The following SORCS2 variants were observed in gnomAD, a reference collection of about 807,000 sequenced individuals.
The protein encoded by SORCS2 is sortilin related VPS10 domain containing receptor 2, also known as VPS10 domain-containing receptor SorCS2.
In SORCS2, 100 loss-of-function variants were observed where a neutral mutation model predicts 141.6. The observed-to-expected ratio is 0.71, with a 90% confidence interval of 0.60 to 0.83. SORCS2 has a LOEUF of 0.83. Ranked by LOEUF, SORCS2 falls within the 40% of genes least tolerant of loss-of-function variation. SORCS2 has a pLI of 0.00. For missense variants in SORCS2, 1,646 were observed against 1,560.2 expected, an observed-to-expected ratio of 1.05 and a Z score of -0.93; for synonymous variants, 789 against 676.9, an observed-to-expected ratio of 1.17 and a Z score of -2.57.
At position 7,699,737 on chromosome 4, in the gene SORCS2, C is replaced by G. The variant is rs568739001; in HGVS notation, c.1668+2463C>G. On this transcript the variant is annotated intron_variant, in intron 12 of 26. Coordinates refer to ENST00000507866, the MANE Select transcript of SORCS2 (RefSeq NM_020777.3). Reference sequence around the variant, plus strand: ...TCTCCTCCAGCCTCACAGGACCCAGCGTGGTCTCCGCCACCCGCCTGGCCA... The same window carrying G: ...TCTCCTCCAGCCTCACAGGACCCAGGGTGGTCTCCGCCACCCGCCTGGCCA... 2.6e-5 allele frequency among the ~76,000 whole-genome samples: 4 copies of G among 152,302 alleles called. No homozygotes were observed. The South Asian group carries it at 8.3e-4, about 32-fold the overall frequency.
chr4:7,409,537 G>C (rs1725174586), intron 2 of SORCS2, among the ~76,000 whole-genome samples: 1 of 152,156 alleles, frequency 6.6e-6, no homozygotes, highest in Admixed American at 6.5e-5. Context: ...TCTCCCTTCA[G>C]CACTTGAGTT....
chr4:7,209,317 A>G (rs1019890901), intron 1 of SORCS2, among the ~76,000 whole-genome samples: 1 of 152,060 alleles, frequency 6.6e-6, no homozygotes, highest in African/African-American at 2.4e-5. Context: ...GCTTGTCTTC[A>G]TATCTTTGTA....
chr4:7,555,733 G>A (rs1159507304), intron 3 of SORCS2, among the ~76,000 whole-genome samples: 3 of 152,206 alleles, frequency 2.0e-5, no homozygotes, highest in Non-Finnish European at 4.4e-5. Flanking sequence ...CTCTAGAAGG[G>A]GATCATGGGG....
At chr4:7,483,361 G>T (rs1456753750) in intron 2 of SORCS2, among the ~76,000 whole-genome samples, 1 of 150,604 alleles carries the variant, frequency 6.6e-6, no homozygotes, top group Admixed American at 6.6e-5. Flanking sequence ...AGAAAGCCAC[G>T]TGACGGATGA....
Position 7,591,098 on chromosome 4 carries a change from G to A in SORCS2, c.649-47230G>A, listed in dbSNP as rs77127621. On this transcript the variant is annotated intron_variant, in intron 3 of 26. Transcript: ENST00000507866. ...TGACGCTCATAGCGCCCAGCAGATG[G>A]GATGAAGTGGGCACCGGGCCAGCGC... Among the ~76,000 whole-genome samples, 4 of 152,304 alleles carry A rather than the reference G, an allele frequency of 2.6e-5. No homozygotes were observed. In the East Asian group the frequency reaches 7.7e-4, roughly 29 times the overall value.
At chr4:7,581,754 G>T (rs1288702291) in intron 3 of SORCS2, among the ~76,000 whole-genome samples, 1 of 152,134 alleles carries the variant, frequency 6.6e-6, no homozygotes, top group African/African-American at 2.4e-5. Context: ...ACACAGTGTG[G>T]ACTCTTGCTG....
At chr4:7,672,295 CTT>C (rs1490609905) in intron 8 of SORCS2, among the ~76,000 whole-genome samples, 1 of 152,126 alleles carries the variant, frequency 6.6e-6, no homozygotes, top group Non-Finnish European at 1.5e-5. Flanking sequence ...AGAGAAATGA[CTT>C]ATTACATACA....
intron 14 of SORCS2, 23 bp downstream of exon 14, chr4:7,704,307 G>T (rs761293669): frequency 6.3e-7 from 1 of 1,582,554 alleles, no homozygotes; most frequent in Non-Finnish European, 8.6e-7. Context: ...ACCGGGGAGT[G>T]GGCACTGGTG....
intron 3 of SORCS2, among the ~76,000 whole-genome samples, chr4:7,543,767 TCCGTC>T (rs1560373208): frequency 4.7e-4 from 28 of 59,290 alleles, no homozygotes; most frequent in Admixed American, 1.3e-3. Flanking sequence ...CACCCACCCA[TCCGTC>T]CATCCATCCA....
intron 3 of SORCS2, among the ~76,000 whole-genome samples, chr4:7,553,800 G>A (rs1019109214): frequency 3.3e-5 from 5 of 152,214 alleles, no homozygotes; most frequent in South Asian, 2.1e-4. Context: ...ACTGATATTC[G>A]GGAAGGGGAG....
chr4:7,630,626 C>T (rs531900617), intron 3 of SORCS2, among the ~76,000 whole-genome samples: 2 of 152,182 alleles, frequency 1.3e-5, no homozygotes, highest in Admixed American at 6.5e-5. Flanking sequence ...GAACATCCAG[C>T]GAGCTGTGTG....
chr4:7,344,046 T>A (rs1171221385), intron 1 of SORCS2, among the ~76,000 whole-genome samples: 1 of 152,234 alleles, frequency 6.6e-6, no homozygotes, highest in African/African-American at 2.4e-5. Flanking sequence ...TTCTTTCTCC[T>A]TGGCCTGCAA....
chr4:7,481,675 G>C (rs1378844225), intron 2 of SORCS2, among the ~76,000 whole-genome samples: 1 of 152,086 alleles, frequency 6.6e-6, no homozygotes, highest in Non-Finnish European at 1.5e-5. Context: ...GGAGCCGTAG[G>C]GAAGGGTCTC....
intron 1 of SORCS2, among the ~76,000 whole-genome samples, chr4:7,380,193 C>T (rs1369306865): frequency 8.5e-5 from 13 of 152,206 alleles, no homozygotes; most frequent in Admixed American, 7.2e-4. Context: ...GGGGGCTTAC[C>T]TGGAGCCTCC....
intron 2 of SORCS2, among the ~76,000 whole-genome samples, chr4:7,497,646 G>T (rs1000655885): frequency 6.6e-6 from 1 of 152,254 alleles, no homozygotes; most frequent in Non-Finnish European, 1.5e-5. Context: ...GCCTGGTCCT[G>T]CACAAGGAAC....
chr4:7,441,110 G>A (rs908673721), intron 2 of SORCS2, among the ~76,000 whole-genome samples: 27 of 152,160 alleles, frequency 1.8e-4, no homozygotes, highest in African/African-American at 6.3e-4. Context: ...CCCAAGAGGG[G>A]GACTCGGCAA....
chr4:7,500,847 C>T (rs772053592), intron 2 of SORCS2, among the ~76,000 whole-genome samples: 17 of 152,184 alleles, frequency 1.1e-4, no homozygotes, highest in Admixed American at 1.1e-3. Context: ...CCTCTCACCT[C>T]GATGCTGGGA....
At chr4:7,372,273 G>A (rs1722305123) in intron 1 of SORCS2, among the ~76,000 whole-genome samples, 1 of 152,168 alleles carries the variant, frequency 6.6e-6, no homozygotes, top group Non-Finnish European at 1.5e-5. Flanking sequence ...TAGGTTTATG[G>A]AGGTATAAAT....
chr4:7,381,398 C>G (rs1480847958), intron 1 of SORCS2, among the ~76,000 whole-genome samples: 2 of 152,182 alleles, frequency 1.3e-5, no homozygotes, highest in Non-Finnish European at 2.9e-5. Context: ...GTGTCCAAAG[C>G]CACGCAGTGT....
Sources: allele counts gnomAD v4.1 joint callset (sites outside exome capture counted in the v4.1 genomes callset), GRCh38; gene constraint gnomAD v4.1.1; transcripts MANE v1.5; gene names NCBI Gene and HGNC (gene_info 2026-07-23, HGNC 2026-07-21).